The following PKD1L1 variants were observed in gnomAD, a reference collection of about 807,000 sequenced individuals.
PKD1L1 encodes polycystin 1 like 1, transient receptor potential channel interacting.
In PKD1L1, 236 loss-of-function variants were observed where a neutral mutation model predicts 323.4. That is an observed-to-expected ratio of 0.73 (90% CI 0.66 to 0.81). The LOEUF is 0.81. Among genes scored for constraint, PKD1L1 ranks in the 40% least tolerant of loss-of-function variants. PKD1L1 has a pLI of 0.00. For missense variants in PKD1L1, 3,320 were observed against 3,508.0 expected, an observed-to-expected ratio of 0.95 and a Z score of 1.35; for synonymous variants, 1,344 against 1,335.0, an observed-to-expected ratio of 1.01 and a Z score of -0.15.
At chr7:47,779,403 G>T (rs1462165215) in intron 56 of PKD1L1, among the ~76,000 whole-genome samples, 1 of 152,150 alleles carries the variant, frequency 6.6e-6, no homozygotes, top group East Asian at 1.9e-4. Flanking sequence ...CTGAAACATG[G>T]TGTGTTTTGA....
At chr7:47,822,610 A>C (rs927333550) in intron 45 of PKD1L1, among the ~76,000 whole-genome samples, 30 of 151,446 alleles carry the variant, frequency 2.0e-4, no homozygotes, top group African/African-American at 7.0e-4. Context: ...AAAAAAAAAA[A>C]AAAAAAAAAC....
intron 20 of PKD1L1, 55 bp from the exon 21 acceptor site, chr7:47,880,860 G>T: frequency 7.1e-7 from 1 of 1,418,054 alleles, no homozygotes; most frequent in Non-Finnish European, 9.7e-7. Flanking sequence ...CAAGGACAGA[G>T]GTCACACAGA....
intron 26 of PKD1L1, among the ~76,000 whole-genome samples, chr7:47,864,616 C>CTTTCTTTCTTTCT (rs1786114490): frequency 7.2e-6 from 1 of 139,832 alleles, no homozygotes; most frequent in Admixed American, 7.3e-5. Context: ...TTCTTTCTTT[C>CTTTCTTTCTTTCT]TTTCTTTCTT....
chr7:47,866,749 A>G (rs1786178535), intron 24 of PKD1L1, 135 bp from the exon 25 acceptor site: 2 of 665,406 alleles, frequency 3.0e-6, no homozygotes, highest in Non-Finnish European at 5.0e-6. Context: ...AATGATACAA[A>G]GGAGAATTGG....
intron 7 of PKD1L1, among the ~76,000 whole-genome samples, chr7:47,918,600 A>G (rs1262325637): frequency 6.6e-6 from 1 of 152,196 alleles, no homozygotes; most frequent in Non-Finnish European, 1.5e-5. Flanking sequence ...TTTCTCCAAG[A>G]TAGACCATAT....
At chr7:47,915,409 T>C (rs774267007) in intron 8 of PKD1L1, 23 bp downstream of exon 8, 2 of 813,190 alleles carry the variant, frequency 2.5e-6, no homozygotes, top group Non-Finnish European at 4.5e-6. Flanking sequence ...CCTTGTGGCC[T>C]CTTTTTGCTT....
At chr7:47,943,207 C>G (rs1788033695) in intron 2 of PKD1L1, among the ~76,000 whole-genome samples, 189 bp downstream of exon 2, 1 of 141,230 alleles carries the variant, frequency 7.1e-6, no homozygotes, top group Admixed American at 7.2e-5. Flanking sequence ...TGTGTGTGTA[C>G]CATCCTGGCA....
chr7:47,922,891 A>G (rs186595691), intron 7 of PKD1L1, among the ~76,000 whole-genome samples: 3,055 of 152,338 alleles, frequency 0.02, 45 homozygotes, highest in South Asian at 0.043. Flanking sequence ...TTTGTCGAAT[A>G]GAAAAGGGGG....
chr7:47,915,942 T>C (rs1476045318), intron 7 of PKD1L1, among the ~76,000 whole-genome samples: 1 of 152,058 alleles, frequency 6.6e-6, no homozygotes, highest in Non-Finnish European at 1.5e-5. Flanking sequence ...ATAGAAGAAA[T>C]AGAAGAAGGT....
chr7:47,915,919 C>T (rs1180198984), intron 7 of PKD1L1, among the ~76,000 whole-genome samples: 1 of 152,198 alleles, frequency 6.6e-6, no homozygotes, highest in East Asian at 1.9e-4. Flanking sequence ...AAATTCTTAA[C>T]AGATGAATTT....
In PKD1L1 at chr7:47,898,080, C is replaced by T. The variant is rs199768358; in HGVS notation, c.2179G>A (p.Val727Ile). 132 of 1,613,884 alleles carry T rather than the reference C, an allele frequency of 8.2e-5. No homozygotes were observed. The highest frequency in any genetic ancestry group is 1.0e-4 in the Non-Finnish European group (123 of 1,180,030). Residue 727 changes from valine (V) to isoleucine (I), a missense_variant, in exon 14 of 57, where the codon GTC (valine) becomes ATC (isoleucine). Physicochemically the swap from Val to Ile is conservative, Grantham distance 29 (BLOSUM62 3). Transcript: ENST00000289672. ...WNLMDSEGLPVSLPAAVDTHR... is the reference protein window; with the variant it reads ...WNLMDSEGLPISLPAAVDTHR... ...GTGTCCACAGCAGCAGGGAGGGAGA[C>T]AGGGAGCCCTTCAGAGTCCATCAAG... is the stretch of plus-strand genomic sequence containing the variant.
intron 52 of PKD1L1, among the ~76,000 whole-genome samples, chr7:47,805,348 T>C (rs1784755334): frequency 6.6e-6 from 1 of 152,238 alleles, no homozygotes; most frequent in African/African-American, 2.4e-5. Flanking sequence ...TGTGTTTATC[T>C]TGAAGATGAC....
chr7:47,940,146 T>G, intron 3 of PKD1L1, 47 bp downstream of exon 3: 1 of 1,612,818 alleles, frequency 6.2e-7, no homozygotes, highest in Non-Finnish European at 8.5e-7. Context: ...ACTGTACATG[T>G]ACTGTATTCA....
chr7:47,800,820 C>A lies in PKD1L1; in HGVS notation c.8022G>T (p.Met2674Ile). 6.2e-7 allele frequency: 1 copy of A among 1,614,090 alleles called. No individual in the cohort carries two copies. Among genetic ancestry groups the A allele is most frequent in the Admixed American group, 1.7e-5 (1 of 60,022 alleles). The change falls in exon 54 of 57, where the codon ATG (methionine) becomes ATT (isoleucine). Residue 2674 changes from methionine to isoleucine, a missense_variant. Physicochemically the swap from Met to Ile is conservative, Grantham distance 10. Transcript: ENST00000289672. ...TGAAGGTGCCAGGTGGTAGAACCCA[C>A]ATAGAGAGCAGAAATCGGTGCAGGT... The part of the protein sequence containing the change: ...LSHLHRFLLS[M>I]WVLPPGTFTD...
At chr7:47,884,129 G>A (rs1786625428) in intron 19 of PKD1L1, among the ~76,000 whole-genome samples, 1 of 151,720 alleles carries the variant, frequency 6.6e-6, no homozygotes, top group Non-Finnish European at 1.5e-5. Flanking sequence ...GCTTCCCAGA[G>A]GAGGGAATAA....
intron 36 of PKD1L1, among the ~76,000 whole-genome samples, chr7:47,837,787 C>A (rs1340566823): frequency 1.3e-5 from 2 of 152,080 alleles, no homozygotes; most frequent in Admixed American, 1.3e-4. Context: ...TTAAATAATG[C>A]GTGGGGCTCA....
chr7:47,852,552 G>C (rs58926467), intron 31 of PKD1L1, among the ~76,000 whole-genome samples: 2,392 of 152,296 alleles, frequency 0.016, 77 homozygotes, highest in African/African-American at 0.055. Context: ...TGAGTTGCCT[G>C]TGGGTGCCAC....
Position 47,795,977 on chromosome 7 carries a change from C to A in PKD1L1, c.8355+12G>T. 6.2e-7 allele frequency: 1 copy of A among 1,608,596 alleles called. No individual in the cohort carries two copies. The highest frequency in any genetic ancestry group is 1.1e-5 in the South Asian group (1 of 89,506). Reference sequence around the variant, plus strand: ...GCTATCATGCTCAGTAATCCAAGATCTCACAGCTTACGTGATTCTCAACCA... The same window carrying A: ...GCTATCATGCTCAGTAATCCAAGATATCACAGCTTACGTGATTCTCAACCA... On this transcript the variant is annotated intron_variant, in intron 55 of 56. Coordinates refer to ENST00000289672, the MANE Select transcript of PKD1L1 (RefSeq NM_138295.5).
intron 40 of PKD1L1, 114 bp from the exon 41 acceptor site, chr7:47,833,366 G>A (rs954440721): frequency 2.3e-5 from 29 of 1,243,008 alleles, no homozygotes; most frequent in Admixed American, 8.6e-5. Context: ...GGCATGGGCG[G>A]GGTGTGGTGC....
Sources: gnomAD v4.1 joint callset for allele counts (sites outside exome capture counted in the v4.1 genomes callset) on GRCh38, gnomAD v4.1.1 for gene constraint, MANE v1.5 for transcripts, NCBI Gene and HGNC (gene_info 2026-07-23, HGNC 2026-07-21) for gene names.